The following ZBTB20 variants were observed in gnomAD, a reference collection of about 807,000 sequenced individuals.
The protein encoded by ZBTB20 is zinc finger and BTB domain containing 20, also known as zinc finger and BTB domain-containing protein 20.
ZBTB20 carries 9 observed loss-of-function variants against 56.9 expected under a neutral mutation model. That is an observed-to-expected ratio of 0.16 (90% CI 0.10 to 0.28). The LOEUF (loss-of-function observed/expected upper bound fraction) is 0.28, where lower values mean the gene tolerates loss of function less well. ZBTB20 is among the 10% of genes least tolerant of loss of function. The probability of loss-of-function intolerance (pLI) is 1.00; values close to 1 mark genes in which losing one functional copy is unlikely to be tolerated. For missense variants in ZBTB20, 655 were observed against 1,003.0 expected (o/e 0.65, Z 4.69); for synonymous variants, 417 against 420.7 (o/e 0.99, Z 0.11).
chr3:114,440,932 C>T (rs75465989), intron 7 of ZBTB20, among the ~76,000 whole-genome samples: 6,389 of 152,238 alleles, frequency 0.042, 190 homozygotes, highest in South Asian at 0.066. Context: ...AGTCCCTGAC[C>T]TTAGATGGTC....
chr3:114,583,793 T>A (rs1439558981), intron 6 of ZBTB20, among the ~76,000 whole-genome samples: 4 of 152,214 alleles, frequency 2.6e-5, no homozygotes, highest in Non-Finnish European at 5.9e-5. Flanking sequence ...ATAGCAAATG[T>A]TCTATTAGAT....
intron 9 of ZBTB20, 145 bp from the exon 10 acceptor site, chr3:114,380,549 T>C (rs1051588728): frequency 1.5e-5 from 19 of 1,233,906 alleles, no homozygotes; most frequent in Non-Finnish European, 2.0e-5. Context: ...TAAAACAAGC[T>C]GATTCTTGTT....
chr3:114,695,807 G>A (rs2062973800), intron 5 of ZBTB20, among the ~76,000 whole-genome samples: 1 of 151,868 alleles, frequency 6.6e-6, no homozygotes, highest in Admixed American at 6.6e-5. Flanking sequence ...GCACCTACAT[G>A]CAAAACTGCA....
At chr3:115,128,790 A>G (rs1457770160) in intron 1 of ZBTB20, among the ~76,000 whole-genome samples, 2 of 150,190 alleles carry the variant, frequency 1.3e-5, no homozygotes, top group Non-Finnish European at 3.0e-5. Flanking sequence ...AAGAGCAAAG[A>G]CTGTTGTTCC....
At chr3:114,729,892 C>T (rs1279648721) in intron 5 of ZBTB20, among the ~76,000 whole-genome samples, 2 of 151,714 alleles carry the variant, frequency 1.3e-5, no homozygotes, top group African/African-American at 4.8e-5. Context: ...CAGCCTCAAA[C>T]TCCTGGGCTC....
At chr3:114,704,760 A>G (rs1386315389) in intron 5 of ZBTB20, among the ~76,000 whole-genome samples, 1 of 152,160 alleles carries the variant, frequency 6.6e-6, no homozygotes, top group African/African-American at 2.4e-5. Flanking sequence ...AACAGCAAAG[A>G]TTTTACAGCT....
At chr3:115,006,912 T>C (rs1320563839) in intron 2 of ZBTB20, among the ~76,000 whole-genome samples, 1 of 151,880 alleles carries the variant, frequency 6.6e-6, no homozygotes, top group African/African-American at 2.4e-5. Flanking sequence ...TAGTTTAACC[T>C]GATTTAGCTG....
intron 6 of ZBTB20, among the ~76,000 whole-genome samples, chr3:114,601,552 C>T (rs2056760259): frequency 6.6e-6 from 1 of 151,664 alleles, no homozygotes; most frequent in Admixed American, 6.6e-5. Context: ...TATTAAGTAT[C>T]TCAGAAAAGG....
chr3:114,694,086 C>A (rs368289526), intron 5 of ZBTB20, among the ~76,000 whole-genome samples: 1 of 151,942 alleles, frequency 6.6e-6, no homozygotes, highest in African/African-American at 2.4e-5. Flanking sequence ...TATTTACCCT[C>A]GGTTTCATGA....
chr3:114,450,417 T>G (rs2091532877), intron 7 of ZBTB20, among the ~76,000 whole-genome samples: 1 of 152,198 alleles, frequency 6.6e-6, no homozygotes, highest in Non-Finnish European at 1.5e-5. Context: ...TTTTAAAATT[T>G]TTTGTTGAAC....
chr3:114,834,973 G>C (rs2074047581), intron 4 of ZBTB20, among the ~76,000 whole-genome samples: 1 of 152,178 alleles, frequency 6.6e-6, no homozygotes, highest in East Asian at 1.9e-4. Context: ...ACAGTGAAAG[G>C]AAAGTTGTTG....
chr3:114,450,176 C>G (rs2091516352), intron 7 of ZBTB20, among the ~76,000 whole-genome samples: 1 of 152,166 alleles, frequency 6.6e-6, no homozygotes, highest in African/African-American at 2.4e-5. Context: ...TCATACAAAT[C>G]AACAGCCTTA....
At chr3:114,413,157 T>A (rs1280604199) in intron 7 of ZBTB20, among the ~76,000 whole-genome samples, 1 of 152,126 alleles carries the variant, frequency 6.6e-6, no homozygotes, top group Non-Finnish European at 1.5e-5. Flanking sequence ...ATTAAAATAA[T>A]CATGACATAA....
At chr3:114,489,980 C>A (rs1235450718) in intron 7 of ZBTB20, among the ~76,000 whole-genome samples, 4 of 152,146 alleles carry the variant, frequency 2.6e-5, no homozygotes, top group Admixed American at 1.3e-4. Context: ...CTCCTTCAGA[C>A]CCTCTCCATA....
In ZBTB20 at chr3:114,411,828, T is replaced by C. The variant is rs569054052; in HGVS notation, c.-254-22723A>G. On this transcript the variant is annotated intron_variant, in intron 7 of 11. Transcript: ENST00000675478. ...AAGGAGTGGAAGGACGATTTTAATA[T>C]GGAAAGTTTACAAAAAGAAGAAAAG... is the stretch of plus-strand genomic sequence containing the variant. 5.9e-5 allele frequency among the ~76,000 whole-genome samples: 9 copies of C among 152,256 alleles called. No individual in the cohort carries two copies. In the East Asian group the frequency reaches 1.4e-3, roughly 23 times the overall value.
intron 5 of ZBTB20, among the ~76,000 whole-genome samples, chr3:114,724,075 G>A (rs1367102051): frequency 1.3e-5 from 2 of 151,430 alleles, no homozygotes; most frequent in Non-Finnish European, 2.9e-5. Context: ...GGGTTTCACC[G>A]TGTTAGCCAG....
chr3:114,629,787 G>T (rs1035849862), intron 6 of ZBTB20, among the ~76,000 whole-genome samples: 5 of 152,310 alleles, frequency 3.3e-5, no homozygotes, highest in African/African-American at 9.6e-5. Context: ...TAGAAAGTTA[G>T]TTTAAATTAT....
intron 1 of ZBTB20, among the ~76,000 whole-genome samples, chr3:115,123,020 G>T (rs893188548): frequency 6.6e-6 from 1 of 152,050 alleles, no homozygotes; most frequent in Non-Finnish European, 1.5e-5. Context: ...TTTCATAAAG[G>T]TCTAATTATT....
intron 6 of ZBTB20, among the ~76,000 whole-genome samples, chr3:114,638,730 A>G (rs1014280437): frequency 6.6e-6 from 1 of 152,140 alleles, no homozygotes; most frequent in African/African-American, 2.4e-5. Context: ...ATTTGATTCT[A>G]TAATAAAAAA....
Sources: allele counts gnomAD v4.1 joint callset (sites outside exome capture counted in the v4.1 genomes callset), GRCh38; gene constraint gnomAD v4.1.1; transcripts MANE v1.5; gene names NCBI Gene and HGNC (gene_info 2026-07-23, HGNC 2026-07-21).